Variants in CDK8 observed in about 807,000 individuals in gnomAD.
CDK8 encodes the protein cyclin-dependent kinase 8.
A neutral mutation model predicts 71.5 loss-of-function variants in CDK8; 29 were observed. The observed-to-expected ratio is 0.41, with a 90% confidence interval of 0.30 to 0.55. The LOEUF is 0.55. Among genes scored for constraint, CDK8 ranks in the 20% least tolerant of loss-of-function variants. The pLI is 0.37. For missense variants in CDK8, 288 were observed against 572.6 expected, an observed-to-expected ratio of 0.50 and a Z score of 5.07; for synonymous variants, 161 against 192.1, an observed-to-expected ratio of 0.84 and a Z score of 1.34.
chr13:26,333,744 A>G (rs1023173137), intron 1 of CDK8, among the ~76,000 whole-genome samples: 4 of 152,220 alleles, frequency 2.6e-5, no homozygotes, highest in African/African-American at 4.8e-5. Flanking sequence ...CTCATTATAT[A>G]TGGGCAAATA....
chr13:26,339,545 A>G (rs552176874), intron 2 of CDK8, among the ~76,000 whole-genome samples: 1 of 150,386 alleles, frequency 6.6e-6, no homozygotes, highest in South Asian at 2.1e-4. Context: ...TGTTTGGGGT[A>G]TTTTAGGTTC....
At chr13:26,346,870 C>G (rs796889854) in intron 2 of CDK8, among the ~76,000 whole-genome samples, 31 of 152,282 alleles carry the variant, frequency 2.0e-4, no homozygotes, top group African/African-American at 7.5e-4. Flanking sequence ...AAGTTTACTT[C>G]AAAGCCCCCA....
intron 1 of CDK8, among the ~76,000 whole-genome samples, chr13:26,261,341 T>C (rs1422413601): frequency 6.6e-6 from 1 of 152,206 alleles, no homozygotes; most frequent in East Asian, 1.9e-4. Context: ...TTCACCCTTT[T>C]AAAAGTATGT....
At chr13:26,319,819 T>C (rs1874686701) in intron 1 of CDK8, among the ~76,000 whole-genome samples, 1 of 152,136 alleles carries the variant, frequency 6.6e-6, no homozygotes, top group African/African-American at 2.4e-5. Context: ...ATTTCAAAAT[T>C]TATTACAAAG....
At chr13:26,328,414 C>T (rs1875125331) in intron 1 of CDK8, among the ~76,000 whole-genome samples, 1 of 152,162 alleles carries the variant, frequency 6.6e-6, no homozygotes, top group Non-Finnish European at 1.5e-5. Context: ...GTTGACTGTT[C>T]CAGAATATTT....
intron 4 of CDK8, among the ~76,000 whole-genome samples, chr13:26,361,472 C>T (rs969274523): frequency 2.6e-5 from 4 of 152,126 alleles, no homozygotes; most frequent in Non-Finnish European, 5.9e-5. Flanking sequence ...TTTAAACATG[C>T]TCAGAACACT....
chr13:26,396,210 G>A (rs775710846), intron 7 of CDK8, 75 bp from the exon 8 acceptor site: 18 of 563,430 alleles, frequency 3.2e-5, no homozygotes, highest in Non-Finnish European at 4.7e-5. Context: ...TGTAATGAAC[G>A]TGGTAATAAC....
chr13:26,330,165 A>G (rs1041465090), intron 1 of CDK8, among the ~76,000 whole-genome samples: 2 of 152,092 alleles, frequency 1.3e-5, no homozygotes, highest in Non-Finnish European at 2.9e-5. Context: ...CTTTTTTGTT[A>G]ACTGTAGTCA....
chr13:26,361,893 G>A (rs1264706626), intron 4 of CDK8, among the ~76,000 whole-genome samples: 2 of 141,830 alleles, frequency 1.4e-5, no homozygotes, highest in African/African-American at 2.6e-5. Context: ...GCCTTCCAAA[G>A]TGCCGGGATT....
intron 1 of CDK8, among the ~76,000 whole-genome samples, chr13:26,328,139 A>G (rs1305111621): frequency 2.6e-5 from 4 of 152,194 alleles, no homozygotes; most frequent in Admixed American, 1.3e-4. Context: ...GTCATAGTCC[A>G]GCATTCTCAC....
Position 26,342,023 on chromosome 13 carries a change from C to T in CDK8, c.204+4381C>T, listed in dbSNP as rs531870335. Among the ~76,000 whole-genome samples the T allele has an allele frequency of 1.2e-4, 18 of 152,206 alleles. 1 individual carries two copies. In the South Asian group the frequency reaches 2.7e-3, roughly 23 times the overall value. ...GCAACCTCCGCCTCCCGTGTTCAAG[C>T]GATTCTTCTGCCTCACCCTCCCAAG... On this transcript the variant is annotated intron_variant, in intron 2 of 12. Coordinates refer to ENST00000381527, the MANE Select transcript of CDK8 (RefSeq NM_001260.3).
chr13:26,340,142 TGCATAGATAAAA>T lies in CDK8; in HGVS notation c.204+2504_204+2515del, dbSNP rs375236266. On this transcript the variant is annotated intron_variant, in intron 2 of 12. Transcript: ENST00000381527. ...TTGAATTTTATCAAATGCTTTTTTC[TGCATAGATAAAA>T]GCAACCATATAATTCTTTTCTTATT... is the stretch of plus-strand genomic sequence containing the variant. Among the ~76,000 whole-genome samples, 879 of 152,308 alleles carry T rather than the reference TGCATAGATAAAA, an allele frequency of 5.8e-3. 10 individuals carry two copies. The highest frequency in any genetic ancestry group is 0.02 in the African/African-American group (832 of 41,568).
chr13:26,264,495 A>G (rs1443848251), intron 1 of CDK8, among the ~76,000 whole-genome samples: 1 of 152,052 alleles, frequency 6.6e-6, no homozygotes, highest in Non-Finnish European at 1.5e-5. Context: ...TTTGGTAACT[A>G]TTTACTGAAT....
At chr13:26,293,274 C>T (rs1371385334) in intron 1 of CDK8, among the ~76,000 whole-genome samples, 1 of 151,898 alleles carries the variant, frequency 6.6e-6, no homozygotes, top group South Asian at 2.1e-4. Flanking sequence ...AGTAGCTTAC[C>T]TCTTTGTGAT....
chr13:26,399,150 C>G (rs887212098), intron 9 of CDK8, among the ~76,000 whole-genome samples: 1 of 151,794 alleles, frequency 6.6e-6, no homozygotes, highest in Non-Finnish European at 1.5e-5. Context: ...CCTGGGATTA[C>G]AGGCGCCTGC....
intron 2 of CDK8, among the ~76,000 whole-genome samples, chr13:26,342,390 A>G (rs1417012874): frequency 6.6e-6 from 1 of 152,216 alleles, no homozygotes; most frequent in Non-Finnish European, 1.5e-5. Context: ...ACACACAGGA[A>G]TGCATGAGGG....
At chr13:26,344,771 C>A (rs1473210872) in intron 2 of CDK8, among the ~76,000 whole-genome samples, 1 of 151,492 alleles carries the variant, frequency 6.6e-6, no homozygotes, top group African/African-American at 2.4e-5. Flanking sequence ...TTCTTTGGGG[C>A]AATAACTCAC....
At chr13:26,396,896 T>TG (rs1429823397) in intron 8 of CDK8, among the ~76,000 whole-genome samples, 1 of 151,994 alleles carries the variant, frequency 6.6e-6, no homozygotes, top group Admixed American at 6.6e-5. Flanking sequence ...ATAATTCATG[T>TG]GAAAAAAAAA....
Position 26,254,818 on chromosome 13 carries a change from A to G in CDK8, c.128+49A>G, listed in dbSNP as rs377345991. On this transcript the variant is annotated intron_variant, in intron 1 of 12. Coordinates refer to ENST00000381527, the MANE Select transcript of CDK8 (RefSeq NM_001260.3). The surrounding 1 kb of genome is among the most constrained non-coding windows in gnomAD (Gnocchi z 6.7). ...TGTCCGCGCTGGGCGGCGCTCCCGC[A>G]GGCCGAGGCAGGTAGCCCGGAGGGA... The G allele has an allele frequency of 6.3e-7, 1 of 1,592,716 alleles. No individual in the cohort carries two copies. Among genetic ancestry groups the G allele is most frequent in the Non-Finnish European group, 8.6e-7 (1 of 1,167,684 alleles).
Sources: allele counts gnomAD v4.1 joint callset (sites outside exome capture counted in the v4.1 genomes callset), GRCh38; gene constraint gnomAD v4.1.1; non-coding constraint Gnocchi (gnomAD v3.1); transcripts MANE v1.5; gene names NCBI Gene and HGNC (gene_info 2026-07-23, HGNC 2026-07-21).